The following FNDC3A variants were observed in gnomAD, a reference collection of about 807,000 sequenced individuals.
FNDC3A encodes the protein fibronectin type III domain containing 3A, also known as fibronectin type-III domain-containing protein 3A.
In FNDC3A, 32 loss-of-function variants were observed where a neutral mutation model predicts 148.9. That is an observed-to-expected ratio of 0.21 (90% CI 0.16 to 0.29). FNDC3A has a LOEUF of 0.29. Among genes scored for constraint, FNDC3A ranks in the 10% least tolerant of loss-of-function variants. FNDC3A has a pLI of 1.00. For missense variants in FNDC3A, 1,191 were observed against 1,452.8 expected (o/e 0.82, Z 2.93); for synonymous variants, 472 against 473.6 (o/e 1.00, Z 0.04).
chr13:49,155,417 TTTA>T lies in FNDC3A; in HGVS notation c.977+9486_977+9488del, dbSNP rs1166683766. Among the ~76,000 whole-genome samples the T allele has an allele frequency of 2.4e-4, 37 of 151,430 alleles. No individual in the cohort carries two copies. The South Asian group carries it at 2.7e-3, about 11-fold the overall frequency. On this transcript the variant is annotated intron_variant, in intron 8 of 25. Coordinates refer to ENST00000492622, the MANE Select transcript of FNDC3A (RefSeq NM_001079673.2). ...TATTTGATTCTTCTCTCTTTTTTTC[TTTA>T]TTAGTCTTGCTAGCGGTCTATCTAT...
chr13:49,194,350 T>C (rs1329924606), intron 19 of FNDC3A, among the ~76,000 whole-genome samples: 1 of 152,264 alleles, frequency 6.6e-6, no homozygotes, highest in Non-Finnish European at 1.5e-5. Context: ...AATAAAACTA[T>C]CTGCCATAGT....
intron 10 of FNDC3A, 105 bp from the exon 11 acceptor site, chr13:49,171,938 C>T: frequency 2.6e-6 from 2 of 760,766 alleles, no homozygotes; most frequent in Non-Finnish European, 4.3e-6. Context: ...GACCAAGTCA[C>T]AGAAAACATC....
At chr13:49,153,216 T>G (rs1883430542) in intron 8 of FNDC3A, among the ~76,000 whole-genome samples, 1 of 150,814 alleles carries the variant, frequency 6.6e-6, no homozygotes, top group Admixed American at 6.6e-5. Context: ...CCATTCTAAC[T>G]GGTGTGAGAT....
intron 2 of FNDC3A, among the ~76,000 whole-genome samples, chr13:49,055,296 C>T (rs1048562664): frequency 1.5e-4 from 23 of 152,114 alleles, no homozygotes; most frequent in Admixed American, 1.2e-3. Flanking sequence ...GAGATGGGGC[C>T]TTGCTGTGTT....
rs1886761197 is a variant in FNDC3A, at chr13:49,208,648, C to G, written c.*1253C>G. On this transcript the variant is annotated 3_prime_UTR_variant, in exon 26 of 26. Coordinates refer to ENST00000492622, the MANE Select transcript of FNDC3A (RefSeq NM_001079673.2). ...GATCAGACTGAATTTTGTCAAGTATCACATTGTACATCTTGCCTAGATGTC... is the reference window on the plus strand; with the variant it reads ...GATCAGACTGAATTTTGTCAAGTATGACATTGTACATCTTGCCTAGATGTC... 6.6e-6 allele frequency: 1 copy of G among 152,598 alleles called. No individual in the cohort carries two copies. The allele number at this position is 152,598 out of a possible 1,614,324, so 9.5% of individuals were successfully genotyped here.
rs188153035 is a variant in FNDC3A at position 49,130,367 on chromosome 13, G to T, written c.253-770G>T. ...AAAATTGTCCTGGTCATGGTCATAA[G>T]AATTTTACATCCAAATTCTAACATG... On this transcript the variant is annotated intron_variant, in intron 4 of 25. Transcript: ENST00000492622. Among the ~76,000 whole-genome samples the T allele has an allele frequency of 4.7e-4, 72 of 152,132 alleles. 1 individual carries two copies. Among genetic ancestry groups the T allele is most frequent in the Admixed American group, 4.1e-3 (62 of 15,258 alleles).
At position 49,124,698 on chromosome 13, in the gene FNDC3A, G is replaced by C. The variant is rs149502354; in HGVS notation, c.253-6439G>C. ...GATACTTTTAAGAAATTGGTGTACTGCACAGAGGCAGAAATATGTGCCAGT... is the reference window on the plus strand; with the variant it reads ...GATACTTTTAAGAAATTGGTGTACTCCACAGAGGCAGAAATATGTGCCAGT... On this transcript the variant is annotated intron_variant, in intron 4 of 25. Transcript: ENST00000492622. Among the ~76,000 whole-genome samples, 9 of 152,236 alleles carry C rather than the reference G, an allele frequency of 5.9e-5. No homozygotes were observed. The East Asian group carries it at 1.4e-3, about 23-fold the overall frequency.
chr13:49,110,556 G>T, intron 3 of FNDC3A: 1 of 651,550 alleles, frequency 1.5e-6, no homozygotes. Flanking sequence ...ATACAAAAAG[G>T]TTAGACTATG....
At position 49,197,858 on chromosome 13, in the gene FNDC3A, A is replaced by T; in HGVS notation, c.2474A>T (p.Tyr825Phe). Residue 825 changes from tyrosine (Y) to phenylalanine (F), a missense_variant, in exon 21 of 26, where the codon TAT becomes TTT. By Grantham distance (22) the Tyr-to-Phe change is conservative (BLOSUM62 3). Coordinates refer to ENST00000492622, the MANE Select transcript of FNDC3A (RefSeq NM_001079673.2). ...EIKGLSPATT[Y>F]YCRVQALSVV... is the part of the protein sequence containing the mutation. ...AAAGGACTTTCACCAGCAACTACCT[A>T]TTATTGCAGGGTCCAGGTAAAGATG... 6.2e-7 allele frequency: 1 copy of T among 1,603,724 alleles called. No individual in the cohort carries two copies. Among genetic ancestry groups the T allele is most frequent in the Non-Finnish European group, 8.5e-7 (1 of 1,177,684 alleles).
chr13:49,011,264 C>T lies in FNDC3A; in HGVS notation c.99+4975C>T, dbSNP rs544304510. Among the ~76,000 whole-genome samples, 22 of 151,722 alleles carry T rather than the reference C, an allele frequency of 1.5e-4. No homozygotes were observed. The South Asian group carries it at 1.9e-3, about 13-fold the overall frequency. Reference sequence around the variant, plus strand: ...TCTTTTTTTTTTTGAGACAGGGTCTCGCTCTGTCACCCAGGCTGGAGTGCA... The same window carrying T: ...TCTTTTTTTTTTTGAGACAGGGTCTTGCTCTGTCACCCAGGCTGGAGTGCA... On this transcript the variant is annotated intron_variant, in intron 2 of 25. Coordinates refer to ENST00000492622, the MANE Select transcript of FNDC3A (RefSeq NM_001079673.2).
intron 2 of FNDC3A, among the ~76,000 whole-genome samples, chr13:49,015,504 G>A (rs1016882463): frequency 1.3e-5 from 2 of 152,206 alleles, no homozygotes; most frequent in Non-Finnish European, 2.9e-5. Context: ...TTTGGGCTGA[G>A]ACAGTGGGGT....
chr13:49,195,973 C>G (rs1162948393), intron 19 of FNDC3A, among the ~76,000 whole-genome samples: 1 of 149,010 alleles, frequency 6.7e-6, no homozygotes, highest in Admixed American at 6.8e-5. Context: ...ACTCAGGAGG[C>G]TGAGGTGGGA....
chr13:49,118,420 CTGGGCAGGCATT>C (rs1014102904), intron 4 of FNDC3A, among the ~76,000 whole-genome samples: 5 of 152,190 alleles, frequency 3.3e-5, no homozygotes, highest in Non-Finnish European at 7.4e-5. Flanking sequence ...AAGCACAAAA[CTGGGCAGGCATT>C]TGGGCAGACA....
chr13:49,110,312 A>C, intron 3 of FNDC3A: 1 of 1,555,070 alleles, frequency 6.4e-7, no homozygotes, highest in Non-Finnish European at 8.6e-7. Context: ...AAAAAAAAAA[A>C]AGCCGTTCTC....
chr13:49,202,810 C>T (rs954042989), intron 24 of FNDC3A, among the ~76,000 whole-genome samples: 3 of 152,080 alleles, frequency 2.0e-5, no homozygotes, highest in Non-Finnish European at 2.9e-5. Context: ...TTGAGACCAA[C>T]GTGGGCAACA....
intron 1 of FNDC3A, among the ~76,000 whole-genome samples, chr13:48,991,348 T>G (rs762862225): frequency 4.0e-5 from 6 of 151,888 alleles, no homozygotes; most frequent in Non-Finnish European, 8.8e-5. Context: ...TTCATACTAG[T>G]AAAGGGATTA....
intron 2 of FNDC3A, among the ~76,000 whole-genome samples, chr13:49,035,183 A>G (rs936003949): frequency 4.6e-5 from 7 of 152,088 alleles, no homozygotes; most frequent in Admixed American, 1.3e-4. Context: ...ACACATGTGT[A>G]TAAGTTCAAT....
intron 8 of FNDC3A, among the ~76,000 whole-genome samples, chr13:49,163,274 G>A (rs988851846): frequency 1.3e-5 from 2 of 152,222 alleles, no homozygotes; most frequent in Non-Finnish European, 2.9e-5. Context: ...TCCTTGAGCT[G>A]CAGTGGGCTC....
chr13:49,045,067 TTTCCCTTTCCC>T (rs1875267297), intron 2 of FNDC3A: 2 of 196,724 alleles, frequency 1.0e-5, no homozygotes, highest in Non-Finnish European at 2.1e-5. Flanking sequence ...TCCCTTTTCC[TTTCCCTTTCCC>T]TTTCCTTTCC....
Sources: allele counts gnomAD v4.1 joint callset (sites outside exome capture counted in the v4.1 genomes callset), GRCh38; gene constraint gnomAD v4.1.1; transcripts MANE v1.5; gene names NCBI Gene and HGNC (gene_info 2026-07-23, HGNC 2026-07-21).